The following LARGE1 variants were observed in gnomAD, a reference collection of about 807,000 sequenced individuals.
The protein encoded by LARGE1 is LARGE xylosyl- and glucuronyltransferase 1, also known as xylosyl- and glucuronyltransferase LARGE1.
LARGE1 carries 43 observed loss-of-function variants against 87.6 expected under a neutral mutation model. The ratio of observed to expected loss-of-function variants is 0.49; its 90% CI spans 0.38 to 0.63. The LOEUF (loss-of-function observed/expected upper bound fraction) is 0.63, where lower values mean the gene tolerates loss of function less well. LARGE1 is among the 30% of genes least tolerant of loss of function. The pLI, the probability that LARGE1 is intolerant of heterozygous loss-of-function variation, is 0.00. For missense variants in LARGE1, 802 were observed against 1,000.2 expected (o/e 0.80, Z 2.67); for synonymous variants, 434 against 394.6 (o/e 1.10, Z -1.18).
intron 5 of LARGE1, among the ~76,000 whole-genome samples, chr22:33,593,405 C>A (rs1015614736): frequency 2.7e-4 from 41 of 152,100 alleles, no homozygotes; most frequent in African/African-American, 8.7e-4. Flanking sequence ...GCCTTATTAA[C>A]ATGAGAGAAC....
intron 1 of LARGE1, among the ~76,000 whole-genome samples, chr22:33,855,281 CGGA>C (rs2063725525): frequency 6.6e-6 from 1 of 152,066 alleles, no homozygotes; most frequent in Non-Finnish European, 1.5e-5. Flanking sequence ...TTGCAGTGAG[CGGA>C]GATCGCGCCA....
chr22:33,124,227 C>CGGAGGTT, the LARGE1 span, among the ~76,000 whole-genome samples: 1 of 151,792 alleles, frequency 6.6e-6, no homozygotes, highest in East Asian at 1.9e-4. Context: ...ATCCAGGAGG[C>CGGAGGTT]GGAGGTTGCA....
chr22:33,689,509 A>T (rs2082036385), intron 2 of LARGE1, among the ~76,000 whole-genome samples: 4 of 152,206 alleles, frequency 2.6e-5, no homozygotes, highest in Admixed American at 2.0e-4. Context: ...CAAAAGAAAG[A>T]GGCAAAAAGG....
chr22:33,079,629 C>T, the LARGE1 span, among the ~76,000 whole-genome samples: 2 of 152,124 alleles, frequency 1.3e-5, no homozygotes, highest in Non-Finnish European at 2.9e-5. Flanking sequence ...GGATCACACT[C>T]TATTATTTGT....
intron 6 of LARGE1, among the ~76,000 whole-genome samples, chr22:33,489,160 T>C (rs2069713236): frequency 6.6e-6 from 1 of 152,172 alleles, no homozygotes; most frequent in Admixed American, 6.5e-5. Flanking sequence ...TCGTGGAGCT[T>C]ATACTGTAGC....
chr22:33,219,593 G>T (rs540565260), intron 11 of LARGE1, among the ~76,000 whole-genome samples: 23 of 152,188 alleles, frequency 1.5e-4, no homozygotes, highest in Non-Finnish European at 3.1e-4. Flanking sequence ...AGCCAATAGG[G>T]CATTTCTGTG....
intron 1 of LARGE1, among the ~76,000 whole-genome samples, chr22:33,868,561 C>T (rs955753070): frequency 6.6e-6 from 1 of 152,168 alleles, no homozygotes; most frequent in African/African-American, 2.4e-5. Flanking sequence ...ATCTGCCACA[C>T]CATGACCTCC....
At chr22:33,536,061 T>C (rs184680961) in intron 6 of LARGE1, among the ~76,000 whole-genome samples, 1 of 152,354 alleles carries the variant, frequency 6.6e-6, no homozygotes, top group Non-Finnish European at 1.5e-5. Flanking sequence ...CTTTGTCCTC[T>C]GGGCCATCCT....
chr22:33,371,573 T>C (rs2064808296), intron 9 of LARGE1, among the ~76,000 whole-genome samples: 1 of 152,202 alleles, frequency 6.6e-6, no homozygotes, highest in South Asian at 2.1e-4. Context: ...ATTCACAAAA[T>C]ACAAAAATGG....
intron 6 of LARGE1, among the ~76,000 whole-genome samples, chr22:33,499,910 A>C (rs2070347018): frequency 1.3e-5 from 2 of 152,074 alleles, no homozygotes; most frequent in South Asian, 4.1e-4. Flanking sequence ...AGTAGCTGGG[A>C]TTACAGGCGC....
intron 6 of LARGE1, among the ~76,000 whole-genome samples, chr22:33,493,436 C>T (rs910790614): frequency 1.3e-5 from 2 of 152,128 alleles, no homozygotes; most frequent in Non-Finnish European, 2.9e-5. Context: ...GCTGGGATTA[C>T]AGGTGTGAGC....
At chr22:33,392,435 G>T (rs1164243596) in intron 7 of LARGE1, among the ~76,000 whole-genome samples, 3 of 152,136 alleles carry the variant, frequency 2.0e-5, no homozygotes, top group Non-Finnish European at 4.4e-5. Context: ...GAGGAGGGTG[G>T]ATCACCTGAG....
chr22:33,248,045 T>C (rs1482858565), intron 11 of LARGE1, among the ~76,000 whole-genome samples: 1 of 152,222 alleles, frequency 6.6e-6, no homozygotes. Flanking sequence ...TGGAACCTCA[T>C]AACTGAGGTT....
intron 11 of LARGE1, among the ~76,000 whole-genome samples, chr22:33,213,077 T>C (rs1925042021): frequency 1.3e-5 from 2 of 151,630 alleles, no homozygotes; most frequent in Admixed American, 6.6e-5. Context: ...TCAACATTAA[T>C]AGGAGTTTGG....
Position 33,266,157 on chromosome 22 carries a change from A to G in LARGE1, c.1730+38072T>C, listed in dbSNP as rs1224043683. ...AAGCAAGAACTCAATAGGGAAAAAA[A>G]AAAAAGAATGAAAGCAAACATGAGC... On this transcript the variant is annotated intron_variant, in intron 11 of 11. Coordinates refer to the LARGE1 transcript ENST00000608642. Among the ~76,000 whole-genome samples, 3 of 151,724 alleles carry G rather than the reference A, an allele frequency of 2.0e-5. No homozygotes were observed. The East Asian group carries it at 5.8e-4, about 29-fold the overall frequency.
intron 6 of LARGE1, among the ~76,000 whole-genome samples, chr22:33,438,375 T>G (rs971236047): frequency 2.0e-5 from 3 of 152,218 alleles, no homozygotes; most frequent in African/African-American, 7.2e-5. Flanking sequence ...TGTCATTGTT[T>G]TCCAAGCTGG....
intron 1 of LARGE1, among the ~76,000 whole-genome samples, chr22:33,766,229 G>T (rs1051718572): frequency 5.9e-5 from 9 of 152,028 alleles, no homozygotes; most frequent in Non-Finnish European, 1.2e-4. Flanking sequence ...TGTGAGGGAG[G>T]CCTCCCCACC....
intron 6 of LARGE1, among the ~76,000 whole-genome samples, chr22:33,523,245 C>T (rs1267467098): frequency 6.6e-6 from 1 of 152,002 alleles, no homozygotes; most frequent in Non-Finnish European, 1.5e-5. Flanking sequence ...TTCAGGTGAT[C>T]CGCCCACCTT....
rs533166181 is a variant in LARGE1, at chr22:33,556,963, G to A, written c.787+7885C>T. ...AGAGGTTGCAGTGAGCTGACATTGTGCCACTGCACTCCAGCCTGGCGACAG... is the reference window on the plus strand; with the variant it reads ...AGAGGTTGCAGTGAGCTGACATTGTACCACTGCACTCCAGCCTGGCGACAG... On this transcript the variant is annotated intron_variant, in intron 6 of 14. Transcript: ENST00000397394. Among the ~76,000 whole-genome samples the A allele has an allele frequency of 7.6e-4, 115 of 152,260 alleles. 1 individual carries two copies. The highest frequency in any genetic ancestry group is 2.4e-3 in the African/African-American group (101 of 41,562).
Sources: gnomAD v4.1 joint callset for allele counts (sites outside exome capture counted in the v4.1 genomes callset) on GRCh38, gnomAD v4.1.1 for gene constraint, MANE v1.5 for transcripts, NCBI Gene and HGNC (gene_info 2026-07-23, HGNC 2026-07-21) for gene names.